The following IL12RB2 variants were observed in gnomAD, a reference collection of about 807,000 sequenced individuals.
IL12RB2 encodes the protein interleukin 12 receptor subunit beta 2.
IL12RB2 carries 82 observed loss-of-function variants against 89.4 expected under a neutral mutation model. The observed-to-expected ratio is 0.92, with a 90% CI of 0.77 to 1.10. The LOEUF (loss-of-function observed/expected upper bound fraction) is 1.10. Among genes scored for constraint, IL12RB2 ranks in the 50% least tolerant of loss-of-function variants. The probability of loss-of-function intolerance (pLI) is 0.00; values close to 1 mark genes in which losing one functional copy is unlikely to be tolerated. For missense variants in IL12RB2, 963 were observed against 1,031.9 expected, an observed-to-expected ratio of 0.93 and a Z score of 0.92; for synonymous variants, 368 against 370.1, an observed-to-expected ratio of 0.99 and a Z score of 0.07.
chr1:67,326,856 G>A lies in IL12RB2; in HGVS notation c.479+7G>A, dbSNP rs771864033. On this transcript the variant is annotated splice_region_variant and intron_variant, in intron 5 of 16. Transcript: ENST00000674203. ...ACACTGAGTATACTCTACAGTGAGTGAGAGGCTGTATTTTTGCAGCTGTTT... is the reference window on the plus strand; with the variant it reads ...ACACTGAGTATACTCTACAGTGAGTAAGAGGCTGTATTTTTGCAGCTGTTT... 5.6e-6 allele frequency: 8 copies of A among 1,434,506 alleles called. No individual in the cohort carries two copies. The Admixed American group carries it at 1.6e-4, about 29-fold the overall frequency. The allele number at this position is 1,434,506 out of a possible 1,614,324, so 88.9% of individuals were successfully genotyped here. A position where few individuals can be genotyped will look rare whatever the true frequency, so the allele number is the denominator to read the frequency against.
At chr1:67,343,282 A>G (rs1318779030) in intron 9 of IL12RB2, among the ~76,000 whole-genome samples, 1 of 152,138 alleles carries the variant, frequency 6.6e-6, no homozygotes, top group South Asian at 2.1e-4. Context: ...GGGTTTCACC[A>G]TGTTGCCCAG....
In IL12RB2 at chr1:67,391,036, T is replaced by C. The variant is rs140944708; in HGVS notation, c.2046+908T>C. Among the ~76,000 whole-genome samples, 323 of 152,266 alleles carry C rather than the reference T, an allele frequency of 2.1e-3. 2 individuals are homozygous for C. Among genetic ancestry groups the C allele is most frequent in the African/African-American group, 7.6e-3 (315 of 41,554 alleles). On this transcript the variant is annotated intron_variant, in intron 16 of 16. Coordinates refer to ENST00000674203, the MANE Select transcript of IL12RB2 (RefSeq NM_001374259.2). ...GAGTGGATCCCAGCCACAGATTCTTTAGGCATTTAAGTCTCTATAGTTTAG... is the reference window on the plus strand; with the variant it reads ...GAGTGGATCCCAGCCACAGATTCTTCAGGCATTTAAGTCTCTATAGTTTAG...
intron 16 of IL12RB2, among the ~76,000 whole-genome samples, chr1:67,391,529 T>A (rs1235410277): frequency 1.3e-5 from 2 of 148,372 alleles, no homozygotes; most frequent in Non-Finnish European, 3.0e-5. Flanking sequence ...TATAATAATA[T>A]TATACATTCA....
intron 8 of IL12RB2, 135 bp from the exon 9 acceptor site, chr1:67,338,489 A>G (rs543410916): frequency 9.3e-6 from 6 of 644,704 alleles, no homozygotes; most frequent in Non-Finnish European, 1.4e-5. Flanking sequence ...AAGAAAAAGA[A>G]AAAATACTGG....
chr1:67,396,014 C>G lies in IL12RB2; in HGVS notation c.2514C>G (p.His838Gln). 17 of 1,604,186 alleles carry G rather than the reference C, an allele frequency of 1.1e-5. No homozygotes were observed. Among genetic ancestry groups the G allele is most frequent in the Non-Finnish European group, 1.5e-5 (17 of 1,170,772 alleles). ...CTGTTTTCCCCTCAAGTTCTCTTCA[C>G]CCACTCACCTTCTCCTGTGGTGATA... ...SLSVFPSSSL[H>Q]PLTFSCGDKL... The change falls in exon 17 of 17, where the codon CAC becomes CAG. Residue 838 changes from histidine (H) to glutamine (Q), a missense_variant. By Grantham distance (24) the His-to-Gln change is conservative. Coordinates refer to ENST00000674203, the MANE Select transcript of IL12RB2 (RefSeq NM_001374259.2).
At chr1:67,383,592 A>C (rs567586255) in intron 14 of IL12RB2, among the ~76,000 whole-genome samples, 50 of 152,300 alleles carry the variant, frequency 3.3e-4, no homozygotes, top group African/African-American at 1.1e-3. Flanking sequence ...GGGTACAGGC[A>C]TTGGGAAAAT....
At chr1:67,330,912 C>A in intron 8 of IL12RB2, 102 bp downstream of exon 8, 1 of 779,600 alleles carries the variant, frequency 1.3e-6, no homozygotes, top group Non-Finnish European at 2.3e-6. Context: ...ACTACTGGTG[C>A]TGAATCAAAA....
chr1:67,365,627 T>C (rs367975389), intron 10 of IL12RB2, among the ~76,000 whole-genome samples: 19 of 152,220 alleles, frequency 1.2e-4, no homozygotes, highest in African/African-American at 4.3e-4. Context: ...CACAGACCCA[T>C]GATGATATGA....
chr1:67,380,263 T>A lies in IL12RB2; in HGVS notation c.1855+140T>A, dbSNP rs946351333. 6.5e-5 allele frequency: 54 copies of A among 827,054 alleles called. No individual in the cohort carries two copies. In the African/African-American group the frequency reaches 8.6e-4, roughly 13 times the overall value. The allele number at this position is 827,054 out of a possible 1,614,324, so 51.2% of individuals were successfully genotyped here. ...TTGCTGTCACTTTACACTTGCTGTT[T>A]CTCCTAAATAGAATGCTTTACCACT... On this transcript the variant is annotated intron_variant, in intron 14 of 16. Transcript: ENST00000674203.
chr1:67,328,722 TGGA>T (rs1445335053), intron 6 of IL12RB2, among the ~76,000 whole-genome samples: 1 of 152,176 alleles, frequency 6.6e-6, no homozygotes, highest in Non-Finnish European at 1.5e-5. Context: ...AAGCCCTTCT[TGGA>T]GGAGGTGTCC....
At chr1:67,315,860 T>C (rs1217278162) in intron 2 of IL12RB2, among the ~76,000 whole-genome samples, 1 of 152,202 alleles carries the variant, frequency 6.6e-6, no homozygotes, top group Non-Finnish European at 1.5e-5. Context: ...CTTCTGATTT[T>C]AAGAAACAGC....
At chr1:67,330,639 T>TA (rs768237663) in intron 7 of IL12RB2, 21 bp from the exon 8 acceptor site, 11 of 1,331,312 alleles carry the variant, frequency 8.3e-6, no homozygotes, top group African/African-American at 2.9e-5. Flanking sequence ...ATAGGCACTT[T>TA]AAAAAAATGT....
chr1:67,341,373 C>T (rs758176028), intron 9 of IL12RB2, among the ~76,000 whole-genome samples: 17 of 150,222 alleles, frequency 1.1e-4, no homozygotes, highest in African/African-American at 2.2e-4. Context: ...GAGCTGAGAT[C>T]GTGCCATAGT....
At chr1:67,384,420 G>T (rs1231427037) in intron 14 of IL12RB2, among the ~76,000 whole-genome samples, 1 of 152,312 alleles carries the variant, frequency 6.6e-6, no homozygotes, top group South Asian at 2.1e-4. Flanking sequence ...ATACAGAAGT[G>T]GGGGCCCTGG....
At chr1:67,319,735 G>C (rs1388718490) in intron 2 of IL12RB2, among the ~76,000 whole-genome samples, 1 of 152,180 alleles carries the variant, frequency 6.6e-6, no homozygotes, top group Non-Finnish European at 1.5e-5. Context: ...TATTGCTGTG[G>C]TCTGAATGTT....
chr1:67,396,121 G>T lies in IL12RB2; in HGVS notation c.*32G>T. Reference sequence around the variant, plus strand: ...AGGCTTCAAGCCTTAAAGTCAGTGTGCCCTCAACCAGCACAGCCTGCCCCA... The same window carrying T: ...AGGCTTCAAGCCTTAAAGTCAGTGTTCCCTCAACCAGCACAGCCTGCCCCA... On this transcript the variant is annotated 3_prime_UTR_variant, in exon 17 of 17. Transcript: ENST00000674203. 1 of 1,322,294 alleles carries T rather than the reference G, an allele frequency of 7.6e-7. No individual in the cohort carries two copies. Among genetic ancestry groups the T allele is most frequent in the South Asian group, 1.2e-5 (1 of 85,394 alleles). The allele number at this position is 1,322,294 out of a possible 1,614,324, so 81.9% of individuals were successfully genotyped here. A position where few individuals can be genotyped will look rare whatever the true frequency, so the allele number is the denominator to read the frequency against.
intron 9 of IL12RB2, among the ~76,000 whole-genome samples, chr1:67,341,533 A>AAGAAAAAAAG (rs2100769306): frequency 4.1e-4 from 9 of 21,984 alleles, no homozygotes; most frequent in Admixed American, 6.4e-4. Context: ...AAGAAAGAGA[A>AAGAAAAAAAG]AGAAAGAAAG....
intron 1 of IL12RB2, among the ~76,000 whole-genome samples, chr1:67,311,500 T>C (rs573118935): frequency 6.6e-6 from 1 of 152,358 alleles, no homozygotes; most frequent in South Asian, 2.1e-4. Flanking sequence ...ATCTGTAGAA[T>C]AGGATACTAA....
intron 9 of IL12RB2, among the ~76,000 whole-genome samples, chr1:67,340,462 C>T (rs934432858): frequency 1.3e-5 from 2 of 152,178 alleles, no homozygotes; most frequent in Non-Finnish European, 2.9e-5. Flanking sequence ...GAAAGATATG[C>T]TACGTGTTAA....
Sources: gnomAD v4.1 joint callset for allele counts (sites outside exome capture counted in the v4.1 genomes callset) on GRCh38, gnomAD v4.1.1 for gene constraint, MANE v1.5 for transcripts, NCBI Gene and HGNC (gene_info 2026-07-23, HGNC 2026-07-21) for gene names.